Variants in EPHA6 observed in about 807,000 individuals in gnomAD.
EPHA6 encodes the protein ephrin type-A receptor 6.
EPHA6 carries 50 observed loss-of-function variants against 112.0 expected under a neutral mutation model. The observed-to-expected ratio is 0.45, with a 90% CI of 0.36 to 0.56. The LOEUF is 0.56. Ranked by LOEUF, EPHA6 falls within the 20% of genes least tolerant of loss-of-function variation. The pLI, the probability that EPHA6 is intolerant of heterozygous loss-of-function variation, is 0.00. For missense variants in EPHA6, 1,280 were observed against 1,417.4 expected (o/e 0.90, Z 1.56); for synonymous variants, 529 against 490.7 (o/e 1.08, Z -1.03).
At chr3:97,456,396 T>A (rs924742865) in intron 7 of EPHA6, among the ~76,000 whole-genome samples, 1 of 152,112 alleles carries the variant, frequency 6.6e-6, no homozygotes, top group Non-Finnish European at 1.5e-5. Context: ...AGACTTGTAG[T>A]CTTTGACTAA....
chr3:97,362,820 G>A (rs2084447007), intron 5 of EPHA6, among the ~76,000 whole-genome samples: 2 of 151,740 alleles, frequency 1.3e-5, no homozygotes. Flanking sequence ...ATCTGTGAAA[G>A]TGTTTATGGT....
chr3:96,952,876 G>A (rs2041606909), intron 2 of EPHA6, among the ~76,000 whole-genome samples: 1 of 152,116 alleles, frequency 6.6e-6, no homozygotes, highest in African/African-American at 2.4e-5. Context: ...TGGAGGGTGG[G>A]AGGAGGGAGA....
chr3:97,070,695 A>G (rs1164708977), intron 3 of EPHA6, among the ~76,000 whole-genome samples: 1 of 152,164 alleles, frequency 6.6e-6, no homozygotes, highest in African/African-American at 2.4e-5. Context: ...GCAAATGTAC[A>G]GAATATTTTG....
intron 11 of EPHA6, among the ~76,000 whole-genome samples, chr3:97,586,368 C>T (rs2093487861): frequency 6.6e-6 from 1 of 152,118 alleles, no homozygotes; most frequent in South Asian, 2.1e-4. Context: ...CAATGCTTTA[C>T]ATTAAATGTT....
intron 12 of EPHA6, among the ~76,000 whole-genome samples, chr3:97,596,875 A>AATATATATATAT (rs62670860): frequency 0.024 from 2,394 of 100,090 alleles, 77 homozygotes; most frequent in African/African-American, 0.066. Flanking sequence ...ATATCTATGG[A>AATATATATATAT]ATATATATAT....
chr3:96,991,833 C>T (rs762434562), intron 3 of EPHA6, among the ~76,000 whole-genome samples: 6 of 152,138 alleles, frequency 3.9e-5, no homozygotes, highest in Non-Finnish European at 5.9e-5. Context: ...ACACACAACA[C>T]ACATGGAACA....
chr3:97,610,321 A>T (rs1038245906), intron 12 of EPHA6, among the ~76,000 whole-genome samples: 6 of 151,642 alleles, frequency 4.0e-5, no homozygotes, highest in Non-Finnish European at 7.4e-5. Flanking sequence ...AGAATTTATG[A>T]GTTTCTCCTT....
chr3:97,067,897 C>T (rs372685676), intron 3 of EPHA6, among the ~76,000 whole-genome samples: 1 of 151,896 alleles, frequency 6.6e-6, no homozygotes, highest in African/African-American at 2.4e-5. Context: ...AATCCCAACA[C>T]TTTGGGAGGC....
chr3:97,540,930 A>G (rs1263563070), intron 11 of EPHA6, among the ~76,000 whole-genome samples: 6 of 152,318 alleles, frequency 3.9e-5, no homozygotes, highest in African/African-American at 7.2e-5. Flanking sequence ...AGATAAACCC[A>G]TATTACAGGC....
At position 97,754,941 on chromosome 3, in the gene EPHA6, G is replaced by C. The variant is rs2035990277; in HGVS notation, c.*6240G>C. 6.6e-6 allele frequency among the ~76,000 whole-genome samples: 1 copy of C among 152,128 alleles called. No individual in the cohort carries two copies. Among genetic ancestry groups the C allele is most frequent in the Non-Finnish European group, 1.5e-5 (1 of 68,028 alleles). ...GATGGTCTCGATCTCCTGACCTGGT[G>C]ATCCAACCGCCTCGGCCTCCCAAAG... On this transcript the variant is annotated 3_prime_UTR_variant, in exon 18 of 18. Coordinates refer to ENST00000389672, the MANE Select transcript of EPHA6 (RefSeq NM_001080448.3).
At chr3:97,285,480 C>G (rs1278893725) in intron 5 of EPHA6, among the ~76,000 whole-genome samples, 2 of 152,022 alleles carry the variant, frequency 1.3e-5, no homozygotes, top group African/African-American at 4.8e-5. Flanking sequence ...CAATACTAGT[C>G]TTTCTGTTCC....
chr3:97,203,628 T>C (rs2077635889), intron 3 of EPHA6, among the ~76,000 whole-genome samples: 1 of 151,964 alleles, frequency 6.6e-6, no homozygotes, highest in African/African-American at 2.4e-5. Flanking sequence ...GAGATGATTG[T>C]GGTGTGGAGG....
chr3:97,632,114 T>C (rs531800723), intron 13 of EPHA6, among the ~76,000 whole-genome samples: 16 of 152,198 alleles, frequency 1.1e-4, no homozygotes, highest in Non-Finnish European at 2.2e-4. Context: ...AACACTTCAG[T>C]ACTTCTTGTT....
chr3:97,110,228 C>T (rs2047682977), intron 3 of EPHA6, among the ~76,000 whole-genome samples: 1 of 151,930 alleles, frequency 6.6e-6, no homozygotes, highest in Non-Finnish European at 1.5e-5. Context: ...ATGATGGGCA[C>T]AAATTACTTA....
intron 3 of EPHA6, among the ~76,000 whole-genome samples, chr3:97,188,185 T>C (rs2077206180): frequency 6.6e-6 from 1 of 152,162 alleles, no homozygotes; most frequent in South Asian, 2.1e-4. Context: ...AGCATTATTT[T>C]TAATTGCAAA....
intron 11 of EPHA6, among the ~76,000 whole-genome samples, chr3:97,574,050 A>T (rs541600386): frequency 2.4e-4 from 36 of 152,124 alleles, no homozygotes; most frequent in Non-Finnish European, 4.4e-4. Context: ...TGTATCTGTT[A>T]TCATGTAATG....
intron 2 of EPHA6, among the ~76,000 whole-genome samples, chr3:96,904,187 G>A (rs942049930): frequency 6.6e-6 from 1 of 151,940 alleles, no homozygotes; most frequent in African/African-American, 2.4e-5. Flanking sequence ...ATTCACAATA[G>A]CAAAGACTTG....
intron 5 of EPHA6, among the ~76,000 whole-genome samples, chr3:97,325,966 GGATTATTCAAGA>G (rs1430517329): frequency 6.6e-6 from 1 of 151,870 alleles, no homozygotes; most frequent in African/African-American, 2.4e-5. Context: ...CATTACCATA[GGATTATTCAAGA>G]GATAGCAGTG....
intron 5 of EPHA6, among the ~76,000 whole-genome samples, chr3:97,353,247 T>C (rs1263626969): frequency 6.6e-6 from 1 of 151,594 alleles, no homozygotes; most frequent in Non-Finnish European, 1.5e-5. Flanking sequence ...AGAGATTTCT[T>C]CTGCTTGAGG....
Sources: allele counts gnomAD v4.1 joint callset (sites outside exome capture counted in the v4.1 genomes callset), GRCh38; gene constraint gnomAD v4.1.1; transcripts MANE v1.5; gene names NCBI Gene and HGNC (gene_info 2026-07-23, HGNC 2026-07-21).